CTBP2: variants seen among roughly 807,000 people sequenced by gnomAD.
CTBP2 encodes C-terminal-binding protein 2.
In CTBP2, 30 loss-of-function variants were observed where a neutral mutation model predicts 80.3. The ratio of observed to expected loss-of-function variants is 0.37; its 90% confidence interval spans 0.28 to 0.51. The LOEUF is 0.51. Among genes scored for constraint, CTBP2 ranks in the 20% least tolerant of loss-of-function variants. The pLI is 0.93. For synonymous variants in CTBP2, 594 were observed against 587.4 expected (o/e 1.01, Z -0.16); for missense variants, 1,212 against 1,375.3 (o/e 0.88, Z 1.88).
At chr10:125,062,352 T>C (rs1289680715) in intron 2 of CTBP2, among the ~76,000 whole-genome samples, 6 of 152,186 alleles carry the variant, frequency 3.9e-5, no homozygotes, top group African/African-American at 1.4e-4. Context: ...TATAATGGCC[T>C]AGTAGGGTGT....
At chr10:125,038,854 G>A (rs1484265638) in intron 3 of CTBP2, 143 bp downstream of exon 3, 1 of 778,008 alleles carries the variant, frequency 1.3e-6, no homozygotes, top group Non-Finnish European at 2.1e-6. Flanking sequence ...ACACCCAGCA[G>A]AGGGTGCCAA....
intron 8 of CTBP2, among the ~76,000 whole-genome samples, chr10:124,990,941 A>G (rs75940661): frequency 0.082 from 12,515 of 152,242 alleles, 711 homozygotes; most frequent in Admixed American, 0.16. Flanking sequence ...ATTTCTTTAC[A>G]AGCCACCCAG....
intron 1 of CTBP2, among the ~76,000 whole-genome samples, chr10:125,125,600 A>G (rs972333649): frequency 6.6e-6 from 1 of 152,256 alleles, no homozygotes; most frequent in African/African-American, 2.4e-5. Flanking sequence ...GAGTGAGTTA[A>G]GCATGGGTCA....
At chr10:125,005,111 G>A (rs979455985) in intron 1 of CTBP2, among the ~76,000 whole-genome samples, 11 of 152,230 alleles carry the variant, frequency 7.2e-5, no homozygotes, top group African/African-American at 2.7e-4. Flanking sequence ...GACTATACAC[G>A]GTGCTGGGGA....
intron 2 of CTBP2, among the ~76,000 whole-genome samples, chr10:125,096,322 A>G (rs907299041): frequency 6.6e-6 from 1 of 152,208 alleles, no homozygotes; most frequent in African/African-American, 2.4e-5. Context: ...AACCTACCCC[A>G]TGGGGAAAAA....
intron 1 of CTBP2, among the ~76,000 whole-genome samples, chr10:125,112,464 T>C (rs1171936385): frequency 6.9e-6 from 1 of 144,768 alleles, no homozygotes; most frequent in Non-Finnish European, 1.5e-5. Flanking sequence ...AGTCTCACTC[T>C]GTCACCCAGG....
chr10:125,145,009 G>A (rs1303954431), intron 1 of CTBP2, among the ~76,000 whole-genome samples: 1 of 152,218 alleles, frequency 6.6e-6, no homozygotes, highest in Non-Finnish European at 1.5e-5. Context: ...GCCTGGTAAT[G>A]TTGGAGGGTG....
intron 1 of CTBP2, among the ~76,000 whole-genome samples, chr10:125,143,708 C>T (rs762555485): frequency 5.3e-5 from 8 of 152,146 alleles, no homozygotes; most frequent in Non-Finnish European, 1.0e-4. Flanking sequence ...GGAATATCTC[C>T]GTTCATGCAT....
chr10:125,094,293 ATCTG>A (rs779293176), intron 2 of CTBP2, among the ~76,000 whole-genome samples: 16 of 152,130 alleles, frequency 1.1e-4, no homozygotes, highest in Non-Finnish European at 2.1e-4. Flanking sequence ...TGACAAATAA[ATCTG>A]TCTGTCAAAT....
rs1345392672 is a variant in CTBP2 at position 125,124,833 on chromosome 10, A to G, written c.-205-13740T>C. 2.6e-5 allele frequency among the ~76,000 whole-genome samples: 4 copies of G among 152,254 alleles called. No homozygotes were observed. The East Asian group carries it at 5.8e-4, about 22-fold the overall frequency. ...CAATCTTCTGCTACAGATCTTTTAA[A>G]TGTCACATACCTTCAAAAGGGGATG... is the stretch of plus-strand genomic sequence containing the variant. On this transcript the variant is annotated intron_variant, in intron 1 of 10. Transcript: ENST00000337195.
At chr10:125,033,633 C>T (rs1420320048) in intron 3 of CTBP2, among the ~76,000 whole-genome samples, 1 of 152,170 alleles carries the variant, frequency 6.6e-6, no homozygotes, top group African/African-American at 2.4e-5. Flanking sequence ...GTCTGGCTAC[C>T]CTGGGGCCTC....
intron 1 of CTBP2, among the ~76,000 whole-genome samples, chr10:125,025,351 G>T (rs148225060): frequency 1.5e-3 from 233 of 152,228 alleles, no homozygotes; most frequent in Middle Eastern, 0.01. Flanking sequence ...GGAAACACAC[G>T]CCATAAATCA....
chr10:125,039,865 G>T (rs1397636524), intron 2 of CTBP2, among the ~76,000 whole-genome samples: 2 of 152,358 alleles, frequency 1.3e-5, no homozygotes, highest in East Asian at 1.9e-4. Context: ...ATTTCTTAGT[G>T]TGAGAGTGTA....
chr10:125,119,445 G>C (rs1010213099), intron 1 of CTBP2, among the ~76,000 whole-genome samples: 4 of 152,184 alleles, frequency 2.6e-5, no homozygotes, highest in African/African-American at 9.7e-5. Flanking sequence ...ACCAGAGTAG[G>C]ATAAATTTTC....
At position 124,998,301 on chromosome 10, in the gene CTBP2, A is replaced by T. The variant is rs916958171; in HGVS notation, c.1979-131T>A. On this transcript the variant is annotated intron_variant, in intron 3 of 8. Coordinates refer to ENST00000309035, the MANE Select transcript of CTBP2 (RefSeq NM_022802.3). ...GGAGGCCCACCTTATCGTCTAGCAGACGCGGGGCTGGGCACGTGGGCGGTA... is the reference window on the plus strand; with the variant it reads ...GGAGGCCCACCTTATCGTCTAGCAGTCGCGGGGCTGGGCACGTGGGCGGTA... 8.5e-6 allele frequency: 9 copies of T among 1,059,016 alleles called. No individual in the cohort carries two copies. The African/African-American group carries it at 1.4e-4, about 17-fold the overall frequency. 65.6% of individuals were successfully genotyped at this position (1,059,016 alleles called of 1,614,324 possible).
intron 1 of CTBP2, among the ~76,000 whole-genome samples, chr10:125,140,579 T>C (rs1293273511): frequency 6.6e-6 from 1 of 152,154 alleles, no homozygotes; most frequent in African/African-American, 2.4e-5. Context: ...TCTCAGCACT[T>C]TGGGAGGCCA....
At position 124,989,190 on chromosome 10, in the gene CTBP2, A is replaced by G. The variant is rs1235832216; in HGVS notation, c.*328T>C. On this transcript the variant is annotated 3_prime_UTR_variant, in exon 9 of 9. Transcript: ENST00000309035. ...AACTCTTGATGCAACATTGTAGAGCAGGGTGTTCAGGACCTGCTGTGCCCA... is the reference window on the plus strand; with the variant it reads ...AACTCTTGATGCAACATTGTAGAGCGGGGTGTTCAGGACCTGCTGTGCCCA... The G allele has an allele frequency of 6.5e-6, 2 of 306,834 alleles. No individual in the cohort carries two copies. Among genetic ancestry groups the G allele is most frequent in the Non-Finnish European group, 1.2e-5 (2 of 160,872 alleles). The allele number at this position is 306,834 out of a possible 1,614,324, so 19.0% of individuals were successfully genotyped here.
At chr10:125,037,174 T>C (rs1398085717) in intron 3 of CTBP2, among the ~76,000 whole-genome samples, 1 of 152,144 alleles carries the variant, frequency 6.6e-6, no homozygotes, top group Non-Finnish European at 1.5e-5. Flanking sequence ...ATGAAGGGGG[T>C]GGGAAGGTTG....
chr10:125,119,880 G>T (rs1854021793), intron 1 of CTBP2, among the ~76,000 whole-genome samples: 1 of 152,222 alleles, frequency 6.6e-6, no homozygotes, highest in Non-Finnish European at 1.5e-5. Flanking sequence ...TGCTGCCTGG[G>T]CTGCTTTGCC....
Sources: gnomAD v4.1 joint callset for allele counts (sites outside exome capture counted in the v4.1 genomes callset) on GRCh38, gnomAD v4.1.1 for gene constraint, MANE v1.5 for transcripts, NCBI Gene and HGNC (gene_info 2026-07-23, HGNC 2026-07-21) for gene names.